The following GRIK3 variants were observed in gnomAD, a reference collection of about 807,000 sequenced individuals.
GRIK3 encodes the protein glutamate receptor ionotropic, kainate 3.
In GRIK3, 29 loss-of-function variants were observed where a neutral mutation model predicts 102.5. The observed-to-expected ratio is 0.28, with a 90% CI of 0.21 to 0.39. The LOEUF (loss-of-function observed/expected upper bound fraction) is 0.39, where lower values mean the gene tolerates loss of function less well. GRIK3 is among the 10% of genes least tolerant of loss of function. GRIK3 has a pLI of 1.00. For missense variants in GRIK3, 908 were observed against 1,252.4 expected, an observed-to-expected ratio of 0.73 and a Z score of 4.15; for synonymous variants, 511 against 504.9, an observed-to-expected ratio of 1.01 and a Z score of -0.16.
chr1:36,807,100 C>T (rs1161456793), intron 13 of GRIK3, among the ~76,000 whole-genome samples: 1 of 152,076 alleles, frequency 6.6e-6, no homozygotes, highest in Non-Finnish European at 1.5e-5. Context: ...GGTCTGCAAA[C>T]CCCCTTCAGC....
chr1:37,001,738 T>A (rs1642478660), intron 1 of GRIK3, among the ~76,000 whole-genome samples: 2 of 152,250 alleles, frequency 1.3e-5, no homozygotes, highest in Admixed American at 6.5e-5. Flanking sequence ...AGATAAAGAT[T>A]GAAGTGGAGG....
chr1:36,973,347 C>T (rs956324263), intron 1 of GRIK3, among the ~76,000 whole-genome samples: 1 of 152,060 alleles, frequency 6.6e-6, no homozygotes, highest in African/African-American at 2.4e-5. Context: ...CCAAAAACAC[C>T]CTTCCCACAC....
chr1:36,797,315 A>T lies in GRIK3; in HGVS notation c.*4536T>A, dbSNP rs1025483118. On this transcript the variant is annotated 3_prime_UTR_variant, in exon 16 of 16. Coordinates refer to ENST00000373091, the MANE Select transcript of GRIK3 (RefSeq NM_000831.4). The stretch of plus-strand genomic sequence containing the variant: ...ATATATATATACAGTATATATATAT[A>T]TTTTACATTCATATATATATTGTAC... The T allele has an allele frequency of 6.6e-5, 10 of 150,638 alleles. No individual in the cohort carries two copies. Among genetic ancestry groups the T allele is most frequent in the African/African-American group, 2.2e-4 (9 of 41,086 alleles). 9.3% of individuals were successfully genotyped at this position (150,638 alleles called of 1,614,324 possible).
At chr1:36,837,214 C>T (rs904900) in intron 10 of GRIK3, among the ~76,000 whole-genome samples, 21 of 152,184 alleles carry the variant, frequency 1.4e-4, no homozygotes, top group Admixed American at 1.2e-3. Flanking sequence ...AGCTCAGCCT[C>T]CAGCCCTGCT....
At chr1:36,905,760 G>A (rs1471243964) in intron 1 of GRIK3, among the ~76,000 whole-genome samples, 1 of 152,052 alleles carries the variant, frequency 6.6e-6, no homozygotes, top group East Asian at 1.9e-4. Flanking sequence ...TTTACAACAA[G>A]TATGTATTAT....
Position 36,852,784 on chromosome 1 carries a change from G to A in GRIK3, c.1212+831C>T, listed in dbSNP as rs188954340. The stretch of plus-strand genomic sequence containing the variant: ...ACACAGCAACTTGCAGGGTTGGGGA[G>A]GTGCCCTTGTGGCTCCCAGGGACCC... On this transcript the variant is annotated intron_variant, in intron 8 of 15. Coordinates refer to ENST00000373091, the MANE Select transcript of GRIK3 (RefSeq NM_000831.4). Among the ~76,000 whole-genome samples, 3 of 152,294 alleles carry A rather than the reference G, an allele frequency of 2.0e-5. No individual in the cohort carries two copies. The East Asian group carries it at 5.8e-4, about 29-fold the overall frequency.
intron 1 of GRIK3, among the ~76,000 whole-genome samples, chr1:37,007,402 G>T: frequency 6.6e-6 from 1 of 152,208 alleles, no homozygotes; most frequent in East Asian, 1.9e-4. Flanking sequence ...GAGAGTGGAA[G>T]AAGAGGGAAG....
At chr1:36,919,842 G>A (rs903906297) in intron 1 of GRIK3, among the ~76,000 whole-genome samples, 4 of 152,224 alleles carry the variant, frequency 2.6e-5, no homozygotes, top group Non-Finnish European at 2.9e-5. Context: ...TACCCGTGGC[G>A]GGTGCATATC....
At chr1:36,862,162 G>A (rs1640734439) in intron 5 of GRIK3, among the ~76,000 whole-genome samples, 1 of 152,148 alleles carries the variant, frequency 6.6e-6, no homozygotes, top group Admixed American at 6.5e-5. Context: ...GCTCACACTG[G>A]CCAGTGGGAG....
At chr1:36,836,125 G>A (rs1640375179) in intron 10 of GRIK3, among the ~76,000 whole-genome samples, 1 of 152,194 alleles carries the variant, frequency 6.6e-6, no homozygotes, top group Admixed American at 6.5e-5. Flanking sequence ...TGCTGGCCCA[G>A]CCCAAAGGAG....
chr1:36,953,674 A>G (rs146308448), intron 1 of GRIK3, among the ~76,000 whole-genome samples: 3 of 152,076 alleles, frequency 2.0e-5, no homozygotes, highest in African/African-American at 7.2e-5. Context: ...AGGAGTCGGT[A>G]GGGACCCCAC....
At chr1:37,002,888 G>T (rs1346746320) in intron 1 of GRIK3, among the ~76,000 whole-genome samples, 1 of 151,870 alleles carries the variant, frequency 6.6e-6, no homozygotes, top group South Asian at 2.1e-4. Context: ...TGATCCACCC[G>T]CCTTGGCCTC....
At chr1:36,827,380 G>A (rs1421374745) in intron 10 of GRIK3, among the ~76,000 whole-genome samples, 2 of 152,146 alleles carry the variant, frequency 1.3e-5, no homozygotes, top group South Asian at 2.1e-4. Context: ...TCAAGTAGGA[G>A]AGGACAGAAA....
intron 1 of GRIK3, among the ~76,000 whole-genome samples, chr1:36,994,575 T>A (rs1642398446): frequency 6.6e-6 from 1 of 152,220 alleles, no homozygotes; most frequent in Admixed American, 6.5e-5. Context: ...TCTCCATAAG[T>A]GTCAGCTGTT....
intron 10 of GRIK3, among the ~76,000 whole-genome samples, chr1:36,834,613 C>T (rs1481171655): frequency 1.3e-5 from 2 of 152,160 alleles, no homozygotes; most frequent in East Asian, 1.9e-4. Flanking sequence ...GGGAGAACTG[C>T]CTGGTTCCTG....
chr1:37,033,645 C>A (rs889282440), intron 1 of GRIK3, among the ~76,000 whole-genome samples: 1 of 152,216 alleles, frequency 6.6e-6, no homozygotes. Context: ...CGGAGAAGCC[C>A]GATCGCAGAA....
intron 13 of GRIK3, among the ~76,000 whole-genome samples, chr1:36,811,054 T>C (rs1041650156): frequency 6.6e-6 from 1 of 152,260 alleles, no homozygotes. Flanking sequence ...TGAGCTTCAC[T>C]TTCCATATCT....
chr1:36,918,800 G>C (rs757361721), intron 1 of GRIK3, among the ~76,000 whole-genome samples: 1 of 152,216 alleles, frequency 6.6e-6, no homozygotes, highest in Non-Finnish European at 1.5e-5. Context: ...AACTGAGCCA[G>C]TGGGAATAAA....
rs141875366 is a variant in GRIK3, at chr1:36,985,023, A to G, written c.115+48971T>C. On this transcript the variant is annotated intron_variant, in intron 1 of 15. Transcript: ENST00000373091. Reference sequence around the variant, plus strand: ...GTCAAGGGCTCCGTGAAGCCCGGGCAGGAACAGAAAGATGATTCTGGGCAC... The same window carrying G: ...GTCAAGGGCTCCGTGAAGCCCGGGCGGGAACAGAAAGATGATTCTGGGCAC... Among the ~76,000 whole-genome samples the G allele has an allele frequency of 3.9e-5, 6 of 152,308 alleles. No individual in the cohort carries two copies. In the East Asian group the frequency reaches 1.2e-3, roughly 29 times the overall value.
Sources: gnomAD v4.1 joint callset for allele counts (sites outside exome capture counted in the v4.1 genomes callset) on GRCh38, gnomAD v4.1.1 for gene constraint, MANE v1.5 for transcripts, NCBI Gene and HGNC (gene_info 2026-07-23, HGNC 2026-07-21) for gene names.